CFAP65: variants seen among roughly 807,000 people sequenced by gnomAD.
CFAP65 encodes the protein cilia- and flagella-associated protein 65.
CFAP65 carries 155 observed loss-of-function variants against 208.0 expected under a neutral mutation model. The observed-to-expected ratio is 0.75, with a 90% CI of 0.65 to 0.85. The LOEUF (loss-of-function observed/expected upper bound fraction) is 0.85, where lower values mean the gene tolerates loss of function less well. CFAP65 is among the 40% of genes least tolerant of loss of function. CFAP65 has a pLI of 0.00. For missense variants in CFAP65, 2,294 were observed against 2,451.3 expected (o/e 0.94, Z 1.36); for synonymous variants, 970 against 986.3 (o/e 0.98, Z 0.31).
Position 219,004,207 on chromosome 2 carries a change from T to C in CFAP65, c.5300A>G (p.Lys1767Arg), listed in dbSNP as rs1264403165. 6.2e-7 allele frequency: 1 copy of C among 1,613,872 alleles called. No homozygotes were observed. The highest frequency in any genetic ancestry group is 1.3e-5 in the African/African-American group (1 of 74,900). ...CAACTCTTCTTCTTCCTCTTCACCCTTCTCCTCCTCCCCCTCTTCCTTCTT... is the reference window on the plus strand; with the variant it reads ...CAACTCTTCTTCTTCCTCTTCACCCCTCTCCTCCTCCCCCTCTTCCTTCTT... ...LGKKEEGEEE[K>R]GEEEEEELEE... The change falls in exon 33 of 35, where the codon AAG (lysine) becomes AGG (arginine). Residue 1767 changes from lysine (K) to arginine (R), a missense_variant. Transcript: ENST00000341552. The surrounding 1 kb of genome is among the most constrained non-coding windows in gnomAD (Gnocchi z 4.7).
intron 15 of CFAP65, among the ~76,000 whole-genome samples, chr2:219,023,778 C>T (rs1469966100): frequency 6.6e-6 from 1 of 152,216 alleles, no homozygotes; most frequent in Non-Finnish European, 1.5e-5. Flanking sequence ...CCTCTGGGTT[C>T]TCTGCACCCT....
chr2:219,022,062 C>T (rs193287638), intron 17 of CFAP65, 109 bp downstream of exon 17: 3 of 1,516,234 alleles, frequency 2.0e-6, no homozygotes, highest in Non-Finnish European at 2.7e-6. Flanking sequence ...GGCTCCTATC[C>T]TCTGCCCTCT....
At chr2:219,022,365 G>C in intron 16 of CFAP65, 36 bp from the exon 17 acceptor site, 1 of 1,567,706 alleles carries the variant, frequency 6.4e-7, no homozygotes. Flanking sequence ...AGTGGCCTTC[G>C]GAAGCCCCTC....
intron 10 of CFAP65, 117 bp from the exon 11 acceptor site, chr2:219,029,785 A>G: frequency 3.0e-6 from 4 of 1,328,262 alleles, no homozygotes; most frequent in Non-Finnish European, 4.2e-6. Flanking sequence ...CAGCCTGAGC[A>G]GAACTCCAGC....
chr2:219,017,542 T>C (rs1389035715), intron 21 of CFAP65, among the ~76,000 whole-genome samples: 2 of 152,256 alleles, frequency 1.3e-5, no homozygotes, highest in Non-Finnish European at 2.9e-5. Context: ...CAAAAAAGCA[T>C]AGGAGAGTCA....
At chr2:219,037,405 C>G (rs546203638) in intron 4 of CFAP65, among the ~76,000 whole-genome samples, 2 of 151,980 alleles carry the variant, frequency 1.3e-5, no homozygotes, top group Non-Finnish European at 2.9e-5. Context: ...AAAAGAAAAA[C>G]AAACAAACAA....
chr2:219,005,626 G>A, intron 31 of CFAP65, 64 bp from the exon 32 acceptor site: 1 of 1,593,422 alleles, frequency 6.3e-7, no homozygotes, highest in South Asian at 1.1e-5. Flanking sequence ...GGGGGCACAA[G>A]CAGTGGTGGT....
At chr2:219,024,337 G>T in intron 14 of CFAP65, 77 bp from the exon 15 acceptor site, 2 of 1,519,364 alleles carry the variant, frequency 1.3e-6, no homozygotes, top group Non-Finnish European at 1.8e-6. Flanking sequence ...CCCTATGGGG[G>T]CTTGGGAGGA....
At chr2:219,014,206 G>T in intron 21 of CFAP65, 162 bp from the exon 22 acceptor site, 1 of 536,660 alleles carries the variant, frequency 1.9e-6, no homozygotes, top group Non-Finnish European at 3.1e-6. Context: ...AAATGTGGCT[G>T]TTGTGGATTC....
At chr2:219,016,799 GC>G (rs1946917496) in intron 21 of CFAP65, among the ~76,000 whole-genome samples, 1 of 152,294 alleles carries the variant, frequency 6.6e-6, no homozygotes, top group African/African-American at 2.4e-5. Context: ...ACTCCCCGAT[GC>G]CCATCCCATG....
intron 4 of CFAP65, among the ~76,000 whole-genome samples, chr2:219,035,892 A>T (rs1948327408): frequency 1.3e-5 from 2 of 152,154 alleles, no homozygotes; most frequent in South Asian, 4.1e-4. Context: ...CAAGACTGGA[A>T]CTGTTTTGCA....
chr2:219,035,338 A>G, intron 5 of CFAP65, 142 bp downstream of exon 5: 1 of 1,559,672 alleles, frequency 6.4e-7, no homozygotes, highest in Non-Finnish European at 8.7e-7. Context: ...ATAATTATTC[A>G]TACTGCACGT....
chr2:219,015,873 C>A (rs183429266), intron 21 of CFAP65, among the ~76,000 whole-genome samples: 1 of 151,946 alleles, frequency 6.6e-6, no homozygotes, highest in East Asian at 1.9e-4. Context: ...TAAAAGAATG[C>A]GTTAGATATA....
intron 16 of CFAP65, 99 bp from the exon 17 acceptor site, chr2:219,022,428 C>T: frequency 7.2e-7 from 1 of 1,380,280 alleles, no homozygotes; most frequent in Non-Finnish European, 1.0e-6. Flanking sequence ...GCTACGTTAG[C>T]CCTTTCTCAG....
chr2:219,031,350 C>A lies in CFAP65; in HGVS notation c.816-45G>T, dbSNP rs1287182106. 2.5e-6 allele frequency: 4 copies of A among 1,606,668 alleles called. No individual in the cohort carries two copies. The South Asian group carries it at 4.4e-5, about 18-fold the overall frequency. On this transcript the variant is annotated intron_variant, in intron 7 of 34. Coordinates refer to ENST00000341552, the MANE Select transcript of CFAP65 (RefSeq NM_194302.4). The surrounding 1 kb of genome is among the most constrained non-coding windows in gnomAD (Gnocchi z 5.2). ...CAGGGCACTGGGCTCCCGGCCCCTG[C>A]TCCTGCAGTAGCAAGTCAGGGATGC...
intron 24 of CFAP65, among the ~76,000 whole-genome samples, chr2:219,011,659 CAT>C (rs1946495419): frequency 6.6e-6 from 1 of 152,198 alleles, no homozygotes; most frequent in Admixed American, 6.5e-5. Context: ...GGTTGGGAAT[CAT>C]AGAATGTCCT....
chr2:219,004,045 T>G lies in CFAP65; in HGVS notation c.5462A>C (p.Glu1821Ala). 1 of 1,614,132 alleles carries G rather than the reference T, an allele frequency of 6.2e-7. No individual in the cohort carries two copies. The highest frequency in any genetic ancestry group is 8.5e-7 in the Non-Finnish European group (1 of 1,180,048). Residue 1821 changes from glutamate to alanine, a missense_variant, in exon 33 of 35, where the codon GAG becomes GCG. By Grantham distance (107) the Glu-to-Ala change is moderately radical. Transcript: ENST00000341552. This position sits in a 1 kb window ranked among gnomAD's most constrained non-coding sequence, Gnocchi z 4.7. ...CTGCCATTGCATGGACTCCTGGGAC[T>G]CAGGCTGTGGTGTGGGCCCGATGCC... The part of the protein sequence containing the change: ...WAGIGPTPQP[E>A]SQESMQWQWQ...
Position 219,010,850 on chromosome 2 carries a change from G to A in CFAP65, c.4104C>T (p.Ala1368=). 6.2e-7 allele frequency: 1 copy of A among 1,613,062 alleles called. No individual in the cohort carries two copies. ...PKGEIQPGST[A]RVLWIFSPIE... The stretch of plus-strand genomic sequence containing the variant: ...TAGGTGAGAAGATCCACAAGACCCG[G>A]GCAGTGCTGCCTGGCTGGATCTCCC... Residue 1368 remains alanine (A), a synonymous_variant, in exon 25 of 35, where the codon GCC becomes GCT. Transcript: ENST00000341552.
chr2:219,037,409 C>T (rs768928829), intron 4 of CFAP65, among the ~76,000 whole-genome samples: 3 of 152,136 alleles, frequency 2.0e-5, no homozygotes, highest in Non-Finnish European at 4.4e-5. Flanking sequence ...GAAAAACAAA[C>T]AAACAAACAA....
Sources: gnomAD v4.1 joint callset for allele counts (sites outside exome capture counted in the v4.1 genomes callset) on GRCh38, gnomAD v4.1.1 for gene constraint, Gnocchi (gnomAD v3.1) non-coding constraint, MANE v1.5 for transcripts, NCBI Gene and HGNC (gene_info 2026-07-23, HGNC 2026-07-21) for gene names.